SCAP: variants seen among roughly 807,000 people sequenced by gnomAD.
SCAP encodes SREBF chaperone, also known as sterol regulatory element-binding protein cleavage-activating protein.
In SCAP, 65 loss-of-function variants were observed where a neutral mutation model predicts 123.6. The observed-to-expected ratio is 0.53, with a 90% CI of 0.43 to 0.65. The LOEUF is 0.65. Among genes scored for constraint, SCAP ranks in the 30% least tolerant of loss-of-function variants. SCAP has a pLI of 0.00. For missense variants in SCAP, 1,398 were observed against 1,712.5 expected, an observed-to-expected ratio of 0.82 and a Z score of 3.24; for synonymous variants, 740 against 726.3, an observed-to-expected ratio of 1.02 and a Z score of -0.30.
chr3:47,465,939 C>G (rs1707809112), intron 1 of SCAP, among the ~76,000 whole-genome samples: 1 of 151,676 alleles, frequency 6.6e-6, no homozygotes, highest in Non-Finnish European at 1.5e-5. Context: ...TCGAGACCAT[C>G]TTGGCCAACA....
At chr3:47,438,622 T>G (rs1415945718) in intron 2 of SCAP, among the ~76,000 whole-genome samples, 2 of 152,266 alleles carry the variant, frequency 1.3e-5, no homozygotes, top group East Asian at 3.9e-4. Flanking sequence ...AAGACCAGCC[T>G]GGCCAACATG....
intron 2 of SCAP, among the ~76,000 whole-genome samples, chr3:47,441,874 C>CTTTTTTTT (rs1160447716): frequency 1.7e-3 from 126 of 76,306 alleles, no homozygotes; most frequent in East Asian, 2.3e-3. Flanking sequence ...GTTCATCTTT[C>CTTTTTTTT]TTTTTTTTTT....
rs776070178 is a variant in SCAP at position 47,442,934 on chromosome 3, G to C, written c.60C>G (p.Leu20=). 6.2e-7 allele frequency: 1 copy of C among 1,614,134 alleles called. No homozygotes were observed. The highest frequency in any genetic ancestry group is 8.5e-7 in the Non-Finnish European group (1 of 1,180,024). Residue 20 remains leucine, a synonymous_variant, in exon 2 of 23, where the codon CTC becomes CTG. Transcript: ENST00000265565. ...KISRAFYNHG[L]LCASYPIPII... ...TGGGGATGGGATAGGATGCACAGAGGAGCCCATGGTTGTAGAAGGCCCGAG... is the reference window on the plus strand; with the variant it reads ...TGGGGATGGGATAGGATGCACAGAGCAGCCCATGGTTGTAGAAGGCCCGAG...
intron 9 of SCAP, 158 bp from the exon 10 acceptor site, chr3:47,422,694 T>C: frequency 1.7e-6 from 1 of 571,812 alleles, no homozygotes; most frequent in Non-Finnish European, 3.1e-6. Context: ...AGGGTCCTGC[T>C]AATGCCCAGA....
intron 2 of SCAP, among the ~76,000 whole-genome samples, chr3:47,440,625 C>A (rs1706756251): frequency 6.6e-6 from 1 of 152,234 alleles, no homozygotes; most frequent in Non-Finnish European, 1.5e-5. Flanking sequence ...AATCCCGACA[C>A]TTTGGGAAGC....
intron 17 of SCAP, 36 bp from the exon 18 acceptor site, chr3:47,417,243 G>T: frequency 6.2e-7 from 1 of 1,612,716 alleles, no homozygotes; most frequent in Admixed American, 1.7e-5. Context: ...CTGCCAGCCA[G>T]AAAGGCCCAC....
intron 1 of SCAP, among the ~76,000 whole-genome samples, chr3:47,454,174 T>C (rs569899239): frequency 2.6e-5 from 4 of 152,118 alleles, no homozygotes; most frequent in South Asian, 2.1e-4. Context: ...GAGACCATCC[T>C]GGCTAACACA....
chr3:47,467,922 A>G (rs966092889), intron 1 of SCAP, among the ~76,000 whole-genome samples: 4 of 123,098 alleles, frequency 3.2e-5, no homozygotes, highest in African/African-American at 1.3e-4. Flanking sequence ...TCCCATGTCC[A>G]GGTGTTCTCA....
At chr3:47,418,626 T>TTGCCCC in intron 14 of SCAP, 29 bp downstream of exon 14, 59 of 1,459,246 alleles carry the variant, frequency 4.0e-5, no homozygotes, top group African/African-American at 7.0e-5. Flanking sequence ...CCGCACTCTT[T>TTGCCCC]CCCACCCCAC....
At chr3:47,445,004 T>C (rs1398464598) in intron 1 of SCAP, among the ~76,000 whole-genome samples, 2 of 151,604 alleles carry the variant, frequency 1.3e-5, no homozygotes, top group African/African-American at 2.4e-5. Context: ...ACTCCTGACC[T>C]CAAGTGATCC....
intron 18 of SCAP, among the ~76,000 whole-genome samples, chr3:47,416,057 G>C (rs1245050934): frequency 6.6e-6 from 1 of 152,256 alleles, no homozygotes; most frequent in Non-Finnish European, 1.5e-5. Flanking sequence ...AATGACGGCA[G>C]CAGCCCACTG....
chr3:47,436,113 C>G (rs995020226), intron 2 of SCAP, among the ~76,000 whole-genome samples: 2 of 152,050 alleles, frequency 1.3e-5, no homozygotes, highest in African/African-American at 4.8e-5. Flanking sequence ...AAAAAATCAC[C>G]TTGCCAAATT....
rs962205298 is a variant in SCAP at position 47,471,712 on chromosome 3, CAAAT to C, written c.-99+4083_-99+4086del. ...TATGCTTTCTGAAAATGCTAAATAT[CAAAT>C]AAGCCACTGGTTCCCAAATGTTTTG... On this transcript the variant is annotated intron_variant, in intron 1 of 22. Transcript: ENST00000265565. Among the ~76,000 whole-genome samples the C allele has an allele frequency of 9.4e-4, 143 of 152,134 alleles. 1 individual carries two copies. The highest frequency in any genetic ancestry group is 9.6e-4 in the Non-Finnish European group (65 of 68,004).
intron 10 of SCAP, among the ~76,000 whole-genome samples, chr3:47,422,054 C>A (rs1446864268): frequency 6.6e-6 from 1 of 152,268 alleles, no homozygotes; most frequent in Non-Finnish European, 1.5e-5. Context: ...TCTAGGAACC[C>A]CACGGTGCTT....
rs537341622 is a variant in SCAP at position 47,469,463 on chromosome 3, C to A, written c.-99+6336G>T. Among the ~76,000 whole-genome samples, 3 of 152,328 alleles carry A rather than the reference C, an allele frequency of 2.0e-5. No homozygotes were observed. In the South Asian group the frequency reaches 6.2e-4, roughly 32 times the overall value. ...TGCAACCTTTACCTCTGGGTCCAAA[C>A]AATTCTTCCTCAGCTTCCCAAGTAG... On this transcript the variant is annotated intron_variant, in intron 1 of 22. Transcript: ENST00000265565.
Position 47,450,672 on chromosome 3 carries a change from G to T in SCAP, c.-98-7581C>A, listed in dbSNP as rs1342976891. Among the ~76,000 whole-genome samples, 11 of 119,224 alleles carry T rather than the reference G, an allele frequency of 9.2e-5. 1 individual carries two copies. The highest frequency in any genetic ancestry group is 2.9e-4 in the African/African-American group (10 of 34,896). The allele number at this position is 119,224 out of a possible 152,430, so 78.2% of individuals were successfully genotyped here. Reference sequence around the variant, plus strand: ...GTACCACCATGAGAGATAATTTTTGGTAATTTTAGTAGAGACAGGGTTTTG... The same window carrying T: ...GTACCACCATGAGAGATAATTTTTGTTAATTTTAGTAGAGACAGGGTTTTG... On this transcript the variant is annotated intron_variant, in intron 1 of 22. Transcript: ENST00000265565.
chr3:47,466,791 T>C (rs1258215093), intron 1 of SCAP, among the ~76,000 whole-genome samples: 1 of 152,068 alleles, frequency 6.6e-6, no homozygotes, highest in Non-Finnish European at 1.5e-5. Context: ...TTCATAAAAA[T>C]TAAAAACTTT....
At chr3:47,441,824 G>T (rs904768261) in intron 2 of SCAP, among the ~76,000 whole-genome samples, 2 of 148,290 alleles carry the variant, frequency 1.3e-5, no homozygotes, top group Admixed American at 6.8e-5. Context: ...TGTTATACCT[G>T]AAGCATCAAC....
Position 47,417,009 on chromosome 3 carries a change from C to T in SCAP, c.3056+113G>A, listed in dbSNP as rs1705610205. ...GTGTGGAGCTGGGCACCAAGAAGGT[C>T]AATCGAATCATACAGTACAGCAGTT... On this transcript the variant is annotated intron_variant, in intron 18 of 22. Transcript: ENST00000265565. 4.5e-6 allele frequency: 4 copies of T among 894,768 alleles called. No individual in the cohort carries two copies. The South Asian group carries it at 6.7e-5, about 15-fold the overall frequency. The allele number at this position is 894,768 out of a possible 1,614,324, so 55.4% of individuals were successfully genotyped here. A position where few individuals can be genotyped will look rare whatever the true frequency, so the allele number is the denominator to read the frequency against.
Sources: allele counts gnomAD v4.1 joint callset (sites outside exome capture counted in the v4.1 genomes callset), GRCh38; gene constraint gnomAD v4.1.1; transcripts MANE v1.5; gene names NCBI Gene and HGNC (gene_info 2026-07-23, HGNC 2026-07-21).